The following AGBL4 variants were observed in gnomAD, a reference collection of about 807,000 sequenced individuals.
The protein encoded by AGBL4 is cytosolic carboxypeptidase 6.
Under a neutral mutation model 66.4 loss-of-function variants are expected in AGBL4, and 58 were observed. The ratio of observed to expected loss-of-function variants is 0.87; its 90% CI spans 0.71 to 1.09. The LOEUF is 1.09. Ranked by LOEUF, AGBL4 falls within the 50% of genes least tolerant of loss-of-function variation. AGBL4 has a pLI of 0.00. For synonymous variants in AGBL4, 234 were observed against 222.9 expected (o/e 1.05, Z -0.44); for missense variants, 579 against 631.0 (o/e 0.92, Z 0.88).
intron 2 of AGBL4, among the ~76,000 whole-genome samples, chr1:49,740,963 G>C (rs7546466): frequency 0.53 from 80,048 of 151,884 alleles, 22,403 homozygotes; most frequent in Non-Finnish European, 0.62. Context: ...ATCTAAAATT[G>C]ACACCCTAAC....
rs752381079 is a variant in AGBL4, at chr1:48,890,385, G to C, written c.595-23155C>G. ...TCCTACCTTTGCAGGATTGTGGTGA[G>C]GATTAAATATTATATTACTTTAAAG... is the stretch of plus-strand genomic sequence containing the variant. On this transcript the variant is annotated intron_variant, in intron 5 of 13. Coordinates refer to ENST00000371839, the MANE Select transcript of AGBL4 (RefSeq NM_032785.4). Among the ~76,000 whole-genome samples, 5 of 152,206 alleles carry C rather than the reference G, an allele frequency of 3.3e-5. No homozygotes were observed. In the South Asian group the frequency reaches 1.0e-3, roughly 32 times the overall value.
intron 4 of AGBL4, among the ~76,000 whole-genome samples, chr1:49,131,769 T>A (rs1450323492): frequency 6.6e-6 from 1 of 152,116 alleles, no homozygotes; most frequent in African/African-American, 2.4e-5. Flanking sequence ...AGAACAAGAA[T>A]AATGTTCTAA....
rs151212640 is a variant in AGBL4 at position 49,175,911 on chromosome 1, G to A, written c.377+69859C>T. 1.9e-3 allele frequency among the ~76,000 whole-genome samples: 291 copies of A among 150,122 alleles called. 4 individuals are homozygous for A. The highest frequency in any genetic ancestry group is 5.8e-3 in the African/African-American group (237 of 40,808). On this transcript the variant is annotated intron_variant, in intron 4 of 13. Transcript: ENST00000371839. ...ATGACATGGTGATGAGTGACAAGTC[G>A]TGGATACTGTTCCATAGTTTCATTC...
At chr1:49,037,070 A>G (rs1664725604) in intron 5 of AGBL4, among the ~76,000 whole-genome samples, 2 of 152,188 alleles carry the variant, frequency 1.3e-5, no homozygotes, top group South Asian at 4.1e-4. Flanking sequence ...AAGTATAATA[A>G]TAAAAAAAGA....
chr1:49,657,255 C>A (rs1308229182), intron 3 of AGBL4, among the ~76,000 whole-genome samples: 1 of 152,130 alleles, frequency 6.6e-6, no homozygotes, highest in Non-Finnish European at 1.5e-5. Context: ...CTCCCATTCA[C>A]AATTGCTTCA....
intron 1 of AGBL4, among the ~76,000 whole-genome samples, chr1:49,931,779 C>A (rs538910354): frequency 5.0e-4 from 76 of 152,170 alleles, no homozygotes; most frequent in African/African-American, 1.4e-3. Flanking sequence ...ACAATTTATA[C>A]AAAAATAGTG....
rs183651125 is a variant in AGBL4 at position 48,545,673 on chromosome 1, T to C, written c.1268-5935A>G. Among the ~76,000 whole-genome samples the C allele has an allele frequency of 1.8e-3, 273 of 152,230 alleles. 2 individuals carry two copies. The highest frequency in any genetic ancestry group is 1.9e-4 in the Non-Finnish European group (13 of 68,016). On this transcript the variant is annotated intron_variant, in intron 11 of 13. Transcript: ENST00000371839. ...AGGTCATTGATCTGTTTCTCAAAAA[T>C]GGCAGGGTATAGCCAGCCACATGGG...
At chr1:49,458,064 G>A (rs1646430110) in intron 3 of AGBL4, among the ~76,000 whole-genome samples, 1 of 151,438 alleles carries the variant, frequency 6.6e-6, no homozygotes, top group South Asian at 2.1e-4. Flanking sequence ...TGAATTTTAG[G>A]ATTGTTTTTA....
chr1:49,991,042 C>A (rs1659904084), intron 1 of AGBL4, among the ~76,000 whole-genome samples: 1 of 152,036 alleles, frequency 6.6e-6, no homozygotes, highest in Non-Finnish European at 1.5e-5. Context: ...AAATGTTTAA[C>A]ACAAAGCAAG....
chr1:49,731,801 T>C lies in AGBL4; in HGVS notation c.158-34364A>G, dbSNP rs183020410. On this transcript the variant is annotated intron_variant, in intron 2 of 13. Transcript: ENST00000371839. Reference sequence around the variant, plus strand: ...TAATACCTACGGCCAATTGAAGAGATAGGCAAATTCTCCCCCAAAAAGCAA... The same window carrying C: ...TAATACCTACGGCCAATTGAAGAGACAGGCAAATTCTCCCCCAAAAAGCAA... 7.2e-5 allele frequency among the ~76,000 whole-genome samples: 11 copies of C among 152,250 alleles called. No homozygotes were observed. The East Asian group carries it at 1.7e-3, about 24-fold the overall frequency.
At chr1:48,808,602 T>A (rs927195447) in intron 6 of AGBL4, among the ~76,000 whole-genome samples, 1 of 152,134 alleles carries the variant, frequency 6.6e-6, no homozygotes, top group African/African-American at 2.4e-5. Flanking sequence ...GAGGCTGAGA[T>A]CACAGTTGGA....
chr1:49,150,244 A>C (rs1646301303), intron 4 of AGBL4, among the ~76,000 whole-genome samples: 1 of 152,124 alleles, frequency 6.6e-6, no homozygotes. Flanking sequence ...TGCTTGGTAC[A>C]TTGTCGTTCC....
At chr1:48,683,510 A>T (rs531056613) in intron 6 of AGBL4, among the ~76,000 whole-genome samples, 34 of 152,312 alleles carry the variant, frequency 2.2e-4, no homozygotes, top group African/African-American at 7.5e-4. Context: ...ATCCATCATG[A>T]CTCAGAATCA....
Position 49,718,383 on chromosome 1 carries a change from T to C in AGBL4, c.158-20946A>G, listed in dbSNP as rs1648327605. ...AACCCTCACCAGAAGCAGATGCTGG[T>C]ACCTTACTTCCTGTATAGCCTACAG... On this transcript the variant is annotated intron_variant, in intron 2 of 13. Transcript: ENST00000371839. Among the ~76,000 whole-genome samples, 3 of 152,078 alleles carry C rather than the reference T, an allele frequency of 2.0e-5. No homozygotes were observed. The East Asian group carries it at 5.8e-4, about 29-fold the overall frequency.
intron 1 of AGBL4, among the ~76,000 whole-genome samples, chr1:49,931,391 C>G (rs58005192): frequency 2.0e-5 from 3 of 152,154 alleles, no homozygotes; most frequent in African/African-American, 7.2e-5. Flanking sequence ...AATTGACTCA[C>G]AGTTCTGAAT....
intron 5 of AGBL4, among the ~76,000 whole-genome samples, chr1:48,885,410 TG>T (rs906952507): frequency 6.6e-6 from 1 of 152,214 alleles, no homozygotes; most frequent in Non-Finnish European, 1.5e-5. Context: ...AAAAGTTTGC[TG>T]ATCTACTAAT....
chr1:48,707,464 A>C (rs961254998), intron 6 of AGBL4, among the ~76,000 whole-genome samples: 4 of 152,000 alleles, frequency 2.6e-5, no homozygotes, highest in African/African-American at 4.8e-5. Context: ...TTCCATTGAC[A>C]CTCTGCCATG....
At chr1:49,860,690 C>T (rs781212489) in intron 1 of AGBL4, among the ~76,000 whole-genome samples, 8 of 151,524 alleles carry the variant, frequency 5.3e-5, no homozygotes, top group Admixed American at 1.3e-4. Context: ...CAGACAGATG[C>T]TGTCTCAAAA....
chr1:49,568,487 T>TCTCACACACACA (rs373075739), intron 3 of AGBL4, among the ~76,000 whole-genome samples: 2 of 131,206 alleles, frequency 1.5e-5, no homozygotes, highest in Non-Finnish European at 3.2e-5. Context: ...AAATAAGTGA[T>TCTCACACACACA]CACACACACA....
Sources: allele counts gnomAD v4.1 joint callset (sites outside exome capture counted in the v4.1 genomes callset), GRCh38; gene constraint gnomAD v4.1.1; transcripts MANE v1.5; gene names NCBI Gene and HGNC (gene_info 2026-07-23, HGNC 2026-07-21).